Variants in STK24 observed in about 807,000 individuals in gnomAD.
STK24 encodes serine/threonine kinase 24, also known as serine/threonine-protein kinase 24.
STK24 carries 21 observed loss-of-function variants against 55.6 expected under a neutral mutation model. The ratio of observed to expected loss-of-function variants is 0.38; its 90% CI spans 0.27 to 0.54. The LOEUF is 0.54. Ranked by LOEUF, STK24 falls within the 20% of genes least tolerant of loss-of-function variation. The pLI is 0.79. For missense variants in STK24, 383 were observed against 538.4 expected (o/e 0.71, Z 2.86); for synonymous variants, 200 against 215.2 (o/e 0.93, Z 0.62).
rs370431432 is a variant in STK24, at chr13:98,557,081, C to G, written c.42+19664G>C. 5.9e-5 allele frequency among the ~76,000 whole-genome samples: 9 copies of G among 152,316 alleles called. 1 individual carries two copies. In the South Asian group the frequency reaches 1.9e-3, roughly 32 times the overall value. ...GACACTCTGGGGCTCACATTCAGAG[C>G]AGAACCTGCTTTGCCTAGCAGGTAA... is the stretch of plus-strand genomic sequence containing the variant. On this transcript the variant is annotated intron_variant, in intron 1 of 10. Transcript: ENST00000539966.
chr13:98,547,407 G>A (rs1352348414), intron 1 of STK24, among the ~76,000 whole-genome samples: 1 of 152,120 alleles, frequency 6.6e-6, no homozygotes, highest in Non-Finnish European at 1.5e-5. Context: ...AATGAGCCGG[G>A]CACGGTGGCA....
At chr13:98,550,407 G>A (rs1162993160) in intron 1 of STK24, among the ~76,000 whole-genome samples, 1 of 152,164 alleles carries the variant, frequency 6.6e-6, no homozygotes, top group East Asian at 1.9e-4. Context: ...GTGCACACCT[G>A]TAGTCCCTGC....
chr13:98,576,685 G>C (rs1897906476), intron 1 of STK24, 60 bp downstream of exon 1: 1 of 1,391,516 alleles, frequency 7.2e-7, no homozygotes, highest in Admixed American at 2.4e-5. Flanking sequence ...TGTGGATACC[G>C]CCAAGTTGCT....
intron 2 of STK24, among the ~76,000 whole-genome samples, chr13:98,512,624 C>T (rs1037832378): frequency 9.3e-5 from 14 of 149,818 alleles, no homozygotes; most frequent in Admixed American, 5.3e-4. Flanking sequence ...CCCTAACTTG[C>T]TTTCTCCTTC....
At chr13:98,525,930 C>G (rs1896414160) in intron 1 of STK24, among the ~76,000 whole-genome samples, 1 of 152,182 alleles carries the variant, frequency 6.6e-6, no homozygotes, top group Non-Finnish European at 1.5e-5. Flanking sequence ...AAAATCCCCC[C>G]AAGAATTTTA....
chr13:98,465,530 G>C (rs74642893), intron 6 of STK24, among the ~76,000 whole-genome samples: 1 of 152,228 alleles, frequency 6.6e-6, no homozygotes, highest in Non-Finnish European at 1.5e-5. Flanking sequence ...ACCACCACCC[G>C]ATGCTGATGT....
intron 7 of STK24, among the ~76,000 whole-genome samples, 164 bp from the exon 8 acceptor site, chr13:98,462,061 AC>A (rs11417523): frequency 1.3e-5 from 2 of 148,346 alleles, no homozygotes; most frequent in Admixed American, 6.7e-5. Context: ...TTTCCCAAAG[AC>A]CCCCCCGCCT....
rs3742136 is a variant in STK24, at chr13:98,450,353, C to A, written c.*2820G>T. 6.6e-6 allele frequency: 1 copy of A among 152,068 alleles called. No individual in the cohort carries two copies. The highest frequency in any genetic ancestry group is 1.5e-5 in the Non-Finnish European group (1 of 68,008). 9.4% of individuals were successfully genotyped at this position (152,068 alleles called of 1,614,324 possible). The stretch of plus-strand genomic sequence containing the variant: ...GGGAAATATAAAAAATGTTTATAAA[C>A]TGACAGTGTTTTGCCAGAGGAAAGG... On this transcript the variant is annotated 3_prime_UTR_variant, in exon 11 of 11. Transcript: ENST00000539966.
intron 1 of STK24, among the ~76,000 whole-genome samples, chr13:98,544,294 T>C (rs537801539): frequency 1.3e-5 from 2 of 152,260 alleles, no homozygotes; most frequent in African/African-American, 4.8e-5. Context: ...GGCAGGTACG[T>C]TCCCGTGGCC....
chr13:98,569,427 C>CCA (rs1897678538), intron 1 of STK24, among the ~76,000 whole-genome samples: 1 of 131,722 alleles, frequency 7.6e-6, no homozygotes, highest in Non-Finnish European at 1.6e-5. Context: ...AAAAAAAAAA[C>CCA]AAAAAAAAAC....
chr13:98,468,682 C>G (rs1400392800), intron 5 of STK24, among the ~76,000 whole-genome samples: 1 of 152,236 alleles, frequency 6.6e-6, no homozygotes, highest in Non-Finnish European at 1.5e-5. Flanking sequence ...TCAAAGCATG[C>G]TGTCTCCTGG....
chr13:98,568,069 G>A (rs1311272123), intron 1 of STK24, among the ~76,000 whole-genome samples: 3 of 151,466 alleles, frequency 2.0e-5, no homozygotes, highest in Non-Finnish European at 4.4e-5. Context: ...GCGCGATCTC[G>A]GCTCCCTGCA....
At position 98,522,151 on chromosome 13, in the gene STK24, C is replaced by A. The variant is rs534890945; in HGVS notation, c.43-2678G>T. ...GAGCCTTGTCAACCACGCCCTCCCC[C>A]TCCTCTGGGTAACTTTCCAGTCCTT... On this transcript the variant is annotated intron_variant, in intron 1 of 10. Coordinates refer to ENST00000539966, the MANE Select transcript of STK24 (RefSeq NM_001032296.4). 372 of 973,344 alleles carry A rather than the reference C, an allele frequency of 3.8e-4. 1 individual carries two copies. In the African/African-American group the frequency reaches 6.0e-3, roughly 16 times the overall value. The allele number at this position is 973,344 out of a possible 1,614,324, so 60.3% of individuals were successfully genotyped here. A position where few individuals can be genotyped will look rare whatever the true frequency, so the allele number is the denominator to read the frequency against.
chr13:98,514,516 A>G (rs1407434581), intron 2 of STK24, among the ~76,000 whole-genome samples: 1 of 152,220 alleles, frequency 6.6e-6, no homozygotes, highest in Non-Finnish European at 1.5e-5. Context: ...GGACTTTCCC[A>G]TATTAGTCTT....
intron 1 of STK24, among the ~76,000 whole-genome samples, chr13:98,543,255 C>T (rs373848431): frequency 6.6e-6 from 1 of 152,164 alleles, no homozygotes; most frequent in Non-Finnish European, 1.5e-5. Context: ...AATGTGCTCC[C>T]GCGGCTGGAC....
chr13:98,486,510 C>T (rs1043345140), intron 2 of STK24, among the ~76,000 whole-genome samples: 1 of 152,212 alleles, frequency 6.6e-6, no homozygotes, highest in Non-Finnish European at 1.5e-5. Context: ...TTCACAGCCA[C>T]ACCAGGGATC....
chr13:98,446,555 G>T lies in STK24; in HGVS notation c.*6618C>A. 8.6e-7 allele frequency: 1 copy of T among 1,156,470 alleles called. No individual in the cohort carries two copies. The highest frequency in any genetic ancestry group is 1.4e-5 in the South Asian group (1 of 72,708). 71.6% of individuals were successfully genotyped at this position (1,156,470 alleles called of 1,614,324 possible). On this transcript the variant is annotated 3_prime_UTR_variant, in exon 11 of 11. Transcript: ENST00000539966. ...CATGGTCCCTTCCAGGCCCACGCCC[G>T]AGGAGGGAGCTGCCTGGGCTCCCAA... is the stretch of plus-strand genomic sequence containing the variant.
At chr13:98,470,705 A>G (rs1330353216) in intron 5 of STK24, among the ~76,000 whole-genome samples, 1 of 152,232 alleles carries the variant, frequency 6.6e-6, no homozygotes, top group East Asian at 1.9e-4. Context: ...TCTCCTCAAC[A>G]TTGGGAGATG....
chr13:98,558,101 G>T (rs1243046138), intron 1 of STK24, among the ~76,000 whole-genome samples: 1 of 152,062 alleles, frequency 6.6e-6, no homozygotes, highest in Non-Finnish European at 1.5e-5. Context: ...CTCTGCTACT[G>T]GGCCATAAGC....
Sources: gnomAD v4.1 joint callset for allele counts (sites outside exome capture counted in the v4.1 genomes callset) on GRCh38, gnomAD v4.1.1 for gene constraint, MANE v1.5 for transcripts, NCBI Gene and HGNC (gene_info 2026-07-23, HGNC 2026-07-21) for gene names.